Variants in NPFFR2 observed in about 807,000 individuals in gnomAD.
NPFFR2 encodes the protein neuropeptide FF receptor 2.
In NPFFR2, 15 loss-of-function variants were observed where a neutral mutation model predicts 13.1. The ratio of observed to expected loss-of-function variants is 1.15; its 90% CI spans 0.77 to 1.76. The LOEUF is 1.76. NPFFR2 is among the 40% of genes most tolerant of loss of function. NPFFR2 has a pLI of 0.00. For synonymous variants in NPFFR2, 190 were observed against 175.7 expected (o/e 1.08, Z -0.65); for missense variants, 572 against 503.5 (o/e 1.14, Z -1.30).
intron 1 of NPFFR2, among the ~76,000 whole-genome samples, chr4:72,042,753 C>A (rs1289691118): frequency 2.0e-5 from 3 of 152,088 alleles, no homozygotes; most frequent in Non-Finnish European, 2.9e-5. Context: ...GAAGAAATTT[C>A]TATGTGGCAA....
At chr4:72,127,681 T>C (rs1218757697) in intron 1 of NPFFR2, among the ~76,000 whole-genome samples, 6 of 151,094 alleles carry the variant, frequency 4.0e-5, no homozygotes, top group Non-Finnish European at 7.4e-5. Context: ...TCTTGATACA[T>C]TGTGTAAGAA....
At chr4:72,046,164 T>A (rs1719375755) in intron 1 of NPFFR2, among the ~76,000 whole-genome samples, 1 of 152,198 alleles carries the variant, frequency 6.6e-6, no homozygotes. Context: ...GGCCCTGTCA[T>A]AACTTTGGAT....
intron 1 of NPFFR2, among the ~76,000 whole-genome samples, chr4:72,095,271 C>T (rs1364612110): frequency 6.6e-6 from 1 of 152,166 alleles, no homozygotes. Context: ...GTACTGGCTT[C>T]TGAGAACTAA....
chr4:72,127,365 T>C (rs868195861), intron 1 of NPFFR2, among the ~76,000 whole-genome samples: 61 of 102,372 alleles, frequency 6.0e-4, no homozygotes, highest in Non-Finnish European at 8.2e-4. Flanking sequence ...CTTTTCTTTT[T>C]TTTTTTTTTT....
intron 1 of NPFFR2, among the ~76,000 whole-genome samples, chr4:72,038,214 T>C (rs762559971): frequency 5.9e-5 from 9 of 152,220 alleles, no homozygotes; most frequent in East Asian, 1.9e-4. Flanking sequence ...GGAATGCTTC[T>C]CCACACTACT....
chr4:72,135,371 CATATTAA>C (rs879565554), intron 2 of NPFFR2, among the ~76,000 whole-genome samples: 7 of 152,008 alleles, frequency 4.6e-5, no homozygotes, highest in Non-Finnish European at 1.0e-4. Flanking sequence ...TTCTTCTACT[CATATTAA>C]TCAGATATTA....
In NPFFR2 at chr4:72,079,993, A is replaced by G. The variant is rs558860616; in HGVS notation, c.-8+47793A>G. On this transcript the variant is annotated intron_variant, in intron 1 of 3. Coordinates refer to ENST00000308744, the MANE Select transcript of NPFFR2 (RefSeq NM_004885.3). ...TCTGAGAGAGGCTCCTTGGATATGTAATGGAAGAAATGCACACTCTAGCTC... is the reference window on the plus strand; with the variant it reads ...TCTGAGAGAGGCTCCTTGGATATGTGATGGAAGAAATGCACACTCTAGCTC... 5.3e-5 allele frequency among the ~76,000 whole-genome samples: 8 copies of G among 152,262 alleles called. No individual in the cohort carries two copies. In the South Asian group the frequency reaches 1.7e-3, roughly 32 times the overall value.
At chr4:72,061,928 T>C (rs1305168926) in intron 1 of NPFFR2, among the ~76,000 whole-genome samples, 2 of 152,166 alleles carry the variant, frequency 1.3e-5, no homozygotes, top group Non-Finnish European at 2.9e-5. Flanking sequence ...TCTGCACATG[T>C]ATCCCAGAAC....
At chr4:72,121,690 G>C (rs140079476) in intron 1 of NPFFR2, among the ~76,000 whole-genome samples, 12,162 of 150,716 alleles carry the variant, frequency 0.081, 1,523 homozygotes, top group African/African-American at 0.27. Flanking sequence ...CCTTTACAGA[G>C]AAGCAAATGC....
intron 1 of NPFFR2, among the ~76,000 whole-genome samples, chr4:72,033,787 ACT>A (rs1364130302): frequency 1.3e-5 from 2 of 152,174 alleles, no homozygotes; most frequent in African/African-American, 2.4e-5. Context: ...GCTCACCAAT[ACT>A]CTCTTTTACA....
At chr4:72,055,270 G>A (rs1041521434) in intron 1 of NPFFR2, among the ~76,000 whole-genome samples, 4 of 148,376 alleles carry the variant, frequency 2.7e-5, no homozygotes, top group African/African-American at 4.9e-5. Flanking sequence ...GGCTCACTTC[G>A]TGTCTTTGTC....
At chr4:72,074,662 G>A (rs1321030636) in intron 1 of NPFFR2, among the ~76,000 whole-genome samples, 2 of 152,038 alleles carry the variant, frequency 1.3e-5, no homozygotes, top group African/African-American at 2.4e-5. Flanking sequence ...ACAGAAATAA[G>A]ACCCTACTAC....
At chr4:72,050,761 A>T (rs1165772405) in intron 1 of NPFFR2, among the ~76,000 whole-genome samples, 5 of 53,222 alleles carry the variant, frequency 9.4e-5, no homozygotes, top group African/African-American at 1.4e-4. Flanking sequence ...TATCCCTCCC[A>T]CCTCCCCCCA....
At chr4:72,046,772 A>G (rs1719393775) in intron 1 of NPFFR2, among the ~76,000 whole-genome samples, 1 of 152,194 alleles carries the variant, frequency 6.6e-6, no homozygotes, top group Non-Finnish European at 1.5e-5. Context: ...AAACAAGAGG[A>G]GAGCTGTAGG....
chr4:72,038,561 A>T (rs912979721), intron 1 of NPFFR2, among the ~76,000 whole-genome samples: 2 of 152,162 alleles, frequency 1.3e-5, no homozygotes, highest in African/African-American at 4.8e-5. Context: ...CCTTAGCTAA[A>T]ATACCAATCA....
At chr4:72,135,153 GC>G (rs1162829174) in intron 2 of NPFFR2, among the ~76,000 whole-genome samples, 1 of 151,922 alleles carries the variant, frequency 6.6e-6, no homozygotes, top group Non-Finnish European at 1.5e-5. Context: ...TTCTTCTTTT[GC>G]CCATGATTTG....
Position 72,058,184 on chromosome 4 carries a change from A to G in NPFFR2, c.-8+25984A>G, listed in dbSNP as rs1366652575. Among the ~76,000 whole-genome samples, 5 of 152,014 alleles carry G rather than the reference A, an allele frequency of 3.3e-5. No individual in the cohort carries two copies. The East Asian group carries it at 9.7e-4, about 29-fold the overall frequency. ...TTGTGTAGGAGAATGTGTTTATTTT[A>G]TGGGGAGTACACACTAAAGTATTTA... On this transcript the variant is annotated intron_variant, in intron 1 of 3. Coordinates refer to ENST00000308744, the MANE Select transcript of NPFFR2 (RefSeq NM_004885.3).
At chr4:72,069,871 T>TA (rs977412507) in intron 1 of NPFFR2, among the ~76,000 whole-genome samples, 9 of 152,082 alleles carry the variant, frequency 5.9e-5, no homozygotes, top group Non-Finnish European at 1.0e-4. Flanking sequence ...TTGGTAAATA[T>TA]AAAAAAATTG....
rs112931663 is a variant in NPFFR2, at chr4:72,032,076, C to T, written c.-132C>T. 9.7e-5 allele frequency: 156 copies of T among 1,614,048 alleles called. 1 individual carries two copies. The African/African-American group carries it at 1.8e-3, about 18-fold the overall frequency. On this transcript the variant is annotated 5_prime_UTR_variant, in exon 1 of 4. In the 5' UTR this introduces an upstream ATG that the reference lacks. Coordinates refer to ENST00000308744, the MANE Select transcript of NPFFR2 (RefSeq NM_004885.3). Reference sequence around the variant, plus strand: ...GAGCAGGCAGTCCGCGGGGGACAGACGTCGGCTGGGATTGAGCCGGCAGAC... The same window carrying T: ...GAGCAGGCAGTCCGCGGGGGACAGATGTCGGCTGGGATTGAGCCGGCAGAC...
Sources: allele counts gnomAD v4.1 joint callset (sites outside exome capture counted in the v4.1 genomes callset), GRCh38; gene constraint gnomAD v4.1.1; transcripts MANE v1.5; gene names NCBI Gene and HGNC (gene_info 2026-07-23, HGNC 2026-07-21).